Variants in FGF14 observed in about 807,000 individuals in gnomAD.
The protein encoded by FGF14 is fibroblast growth factor 14, also known as fibroblast growth factor homologous factor 4.
FGF14 carries 5 observed loss-of-function variants against 25.5 expected under a neutral mutation model. That is an observed-to-expected ratio of 0.20 (90% confidence interval 0.10 to 0.41). The LOEUF is 0.41. FGF14 is among the 10% of genes least tolerant of loss of function. The probability of loss-of-function intolerance (pLI) is 1.00; values close to 1 mark genes in which losing one functional copy is unlikely to be tolerated. For missense variants in FGF14, 222 were observed against 320.1 expected, an observed-to-expected ratio of 0.69 and a Z score of 2.34; for synonymous variants, 138 against 118.3, an observed-to-expected ratio of 1.17 and a Z score of -1.08.
chr13:102,397,254 T>C (rs907429265), intron 1 of FGF14, among the ~76,000 whole-genome samples: 1 of 151,980 alleles, frequency 6.6e-6, no homozygotes, highest in African/African-American at 2.4e-5. Flanking sequence ...TTTAAATGAG[T>C]AACAGTGGCA....
rs77482896 is a variant in FGF14, at chr13:101,772,686, A to C, written c.409-45876T>G. The stretch of plus-strand genomic sequence containing the variant: ...CAGATACATTATGTGGCAATGAAGC[A>C]ATGTTAAGAAAGAAGATCCCACAAA... On this transcript the variant is annotated intron_variant, in intron 3 of 4. Transcript: ENST00000376143. Among the ~76,000 whole-genome samples the C allele has an allele frequency of 5.0e-3, 763 of 152,244 alleles. 5 individuals are homozygous for C. The highest frequency in any genetic ancestry group is 0.017 in the African/African-American group (706 of 41,580).
chr13:101,848,270 T>C (rs1383891815), intron 3 of FGF14, among the ~76,000 whole-genome samples: 1 of 152,130 alleles, frequency 6.6e-6, no homozygotes, highest in East Asian at 1.9e-4. Context: ...CATGGATTCT[T>C]AGAGACCCAA....
At chr13:101,733,432 T>C (rs939111982) in intron 3 of FGF14, among the ~76,000 whole-genome samples, 1 of 151,822 alleles carries the variant, frequency 6.6e-6, no homozygotes, top group African/African-American at 2.4e-5. Flanking sequence ...CCATCTCTAA[T>C]AAAAATACCA....
chr13:102,232,958 C>A (rs545600066), intron 1 of FGF14, among the ~76,000 whole-genome samples: 1 of 152,190 alleles, frequency 6.6e-6, no homozygotes, highest in African/African-American at 2.4e-5. Context: ...GTGTCCCCCA[C>A]CTTTTCCGGT....
At chr13:101,923,100 G>A (rs568549320) in intron 1 of FGF14, among the ~76,000 whole-genome samples, 2 of 151,976 alleles carry the variant, frequency 1.3e-5, no homozygotes, top group East Asian at 1.9e-4. Context: ...ATTATAATAC[G>A]CATATGAATT....
intron 1 of FGF14, among the ~76,000 whole-genome samples, chr13:101,883,476 C>A (rs1404519346): frequency 6.6e-6 from 1 of 152,132 alleles, no homozygotes; most frequent in Admixed American, 6.5e-5. Context: ...CTACTTTGTT[C>A]CAAGCGTTTT....
chr13:101,948,890 GTTTT>G lies in FGF14; in HGVS notation c.209-73598_209-73595del, dbSNP rs545041862. Among the ~76,000 whole-genome samples, 50 of 151,322 alleles carry G rather than the reference GTTTT, an allele frequency of 3.3e-4. No homozygotes were observed. The East Asian group carries it at 9.1e-3, about 28-fold the overall frequency. On this transcript the variant is annotated intron_variant, in intron 1 of 4. Transcript: ENST00000376131. The stretch of plus-strand genomic sequence containing the variant: ...ATAATCTTCCTGCAATTTTGCAAAA[GTTTT>G]TTTTTCTGTCTTATTTTTTAAAATC...
chr13:102,000,070 C>CT (rs1335390896), intron 1 of FGF14, among the ~76,000 whole-genome samples: 1 of 152,194 alleles, frequency 6.6e-6, no homozygotes, highest in East Asian at 1.9e-4. Context: ...AATCCCAGCA[C>CT]TTTGGGAGGC....
At chr13:101,926,277 T>C (rs1045074288) in intron 1 of FGF14, among the ~76,000 whole-genome samples, 1 of 152,194 alleles carries the variant, frequency 6.6e-6, no homozygotes, top group African/African-American at 2.4e-5. Context: ...ACAGAATAGC[T>C]GCTTCCAAAT....
chr13:101,891,166 G>A (rs1217708544), intron 1 of FGF14, among the ~76,000 whole-genome samples: 1 of 152,152 alleles, frequency 6.6e-6, no homozygotes, highest in Non-Finnish European at 1.5e-5. Flanking sequence ...ACAGAGAGGT[G>A]AGTATTTTGT....
intron 4 of FGF14, 45 bp from the exon 5 acceptor site, chr13:101,723,012 T>G: frequency 6.2e-7 from 1 of 1,611,832 alleles, no homozygotes. Flanking sequence ...CATTGCTTGG[T>G]TAGGTGTGAG....
At chr13:101,904,808 T>TA (rs1439877502) in intron 1 of FGF14, among the ~76,000 whole-genome samples, 1 of 152,186 alleles carries the variant, frequency 6.6e-6, no homozygotes, top group African/African-American at 2.4e-5. Context: ...TTTCTAATGA[T>TA]AAAAAATGTG....
At chr13:102,051,596 C>T (rs374290524) in intron 1 of FGF14, among the ~76,000 whole-genome samples, 1 of 152,190 alleles carries the variant, frequency 6.6e-6, no homozygotes, top group Non-Finnish European at 1.5e-5. Flanking sequence ...GTGCTCACTA[C>T]CACTATGGAT....
At chr13:102,174,508 A>C (rs539251940) in intron 1 of FGF14, among the ~76,000 whole-genome samples, 1 of 151,966 alleles carries the variant, frequency 6.6e-6, no homozygotes, top group Admixed American at 6.6e-5. Flanking sequence ...CTGAGAACCA[A>C]ATCAAAAACT....
chr13:101,783,701 G>A (rs1036651098), intron 3 of FGF14, among the ~76,000 whole-genome samples: 1 of 152,054 alleles, frequency 6.6e-6, no homozygotes, highest in African/African-American at 2.4e-5. Context: ...GTCAATCTTT[G>A]CTTTTGTTGC....
intron 1 of FGF14, among the ~76,000 whole-genome samples, chr13:101,960,694 T>C (rs945200645): frequency 1.3e-5 from 2 of 152,176 alleles, no homozygotes; most frequent in Admixed American, 6.5e-5. Flanking sequence ...TTATAGTCCT[T>C]CGGGTGTATA....
chr13:101,838,035 T>TC (rs758569414), intron 3 of FGF14, among the ~76,000 whole-genome samples: 7 of 151,972 alleles, frequency 4.6e-5, no homozygotes, highest in Non-Finnish European at 8.8e-5. Context: ...AATATCGGAC[T>TC]CCAAGTTCTT....
chr13:102,049,247 G>A (rs186746377), intron 1 of FGF14, among the ~76,000 whole-genome samples: 146 of 152,196 alleles, frequency 9.6e-4, no homozygotes, highest in Non-Finnish European at 6.3e-4. Context: ...ACAATTAAAT[G>A]TCCTTTCTTT....
At chr13:102,089,731 C>A (rs1199835485) in intron 1 of FGF14, among the ~76,000 whole-genome samples, 1 of 152,142 alleles carries the variant, frequency 6.6e-6, no homozygotes, top group Admixed American at 6.5e-5. Context: ...TCAAAACTTA[C>A]AAGACATAGA....
Sources: allele counts gnomAD v4.1 joint callset (sites outside exome capture counted in the v4.1 genomes callset), GRCh38; gene constraint gnomAD v4.1.1; transcripts MANE v1.5; gene names NCBI Gene and HGNC (gene_info 2026-07-23, HGNC 2026-07-21).